Variants in GATAD2B observed in about 807,000 individuals in gnomAD.
The protein encoded by GATAD2B is GATA zinc finger domain containing 2B.
Under a neutral mutation model 64.3 loss-of-function variants are expected in GATAD2B, and 8 were observed. That is an observed-to-expected ratio of 0.12 (90% CI 0.07 to 0.22). GATAD2B has a LOEUF of 0.22. GATAD2B is among the 10% of genes least tolerant of loss of function. GATAD2B has a pLI of 1.00. For missense variants in GATAD2B, 453 were observed against 752.0 expected (o/e 0.60, Z 4.65); for synonymous variants, 281 against 271.3 (o/e 1.04, Z -0.35).
intron 2 of GATAD2B, among the ~76,000 whole-genome samples, chr1:153,821,401 T>C (rs1327756915): frequency 1.3e-5 from 2 of 152,100 alleles, no homozygotes; most frequent in Non-Finnish European, 2.9e-5. Flanking sequence ...AATAGGAGGA[T>C]AGAAAGGTAA....
chr1:153,847,888 A>G (rs944882258), intron 1 of GATAD2B, among the ~76,000 whole-genome samples: 1 of 152,166 alleles, frequency 6.6e-6, no homozygotes, highest in Non-Finnish European at 1.5e-5. Context: ...TTTAACTTAT[A>G]TAACGAGTTA....
chr1:153,908,788 A>G (rs1434173166), intron 1 of GATAD2B, among the ~76,000 whole-genome samples: 2 of 144,094 alleles, frequency 1.4e-5, no homozygotes, highest in African/African-American at 5.8e-5. Flanking sequence ...CTTGGAAAAA[A>G]AAAAAAAAAA....
intron 2 of GATAD2B, among the ~76,000 whole-genome samples, chr1:153,820,104 A>C (rs1391582129): frequency 5.1e-5 from 7 of 136,758 alleles, no homozygotes; most frequent in Non-Finnish European, 1.1e-4. Flanking sequence ...GTCTCAAAAA[A>C]AAAAAAAAAA....
rs1371877847 is a variant in GATAD2B at position 153,870,152 on chromosome 1, T to A, written c.-1-41804A>T. Among the ~76,000 whole-genome samples the A allele has an allele frequency of 2.0e-5, 3 of 152,156 alleles. No homozygotes were observed. The South Asian group carries it at 6.2e-4, about 31-fold the overall frequency. On this transcript the variant is annotated intron_variant, in intron 1 of 10. Transcript: ENST00000368655. ...TTTTAGTAGAGATAGGGTTTCATCA[T>A]GTTGGCCAGGCTGGTCTCGAACTCC...
chr1:153,903,217 C>CAAAA (rs1335057322), intron 1 of GATAD2B, among the ~76,000 whole-genome samples: 1 of 125,236 alleles, frequency 8.0e-6, no homozygotes, highest in Non-Finnish European at 1.7e-5. Context: ...GACTCCATCT[C>CAAAA]AAAAAAAAAA....
chr1:153,879,241 A>AT (rs200408109), intron 1 of GATAD2B, among the ~76,000 whole-genome samples: 2,356 of 149,534 alleles, frequency 0.016, 64 homozygotes, highest in African/African-American at 0.056. Context: ...CACCTGGCCA[A>AT]TTTTTTTATT....
chr1:153,884,256 C>T lies in GATAD2B; in HGVS notation c.-2+38477G>A, dbSNP rs140832836. Among the ~76,000 whole-genome samples, 49 of 152,206 alleles carry T rather than the reference C, an allele frequency of 3.2e-4. No homozygotes were observed. In the East Asian group the frequency reaches 8.1e-3, roughly 25 times the overall value. Reference sequence around the variant, plus strand: ...GAGATCAAGACCATTCTGGCTAACACGGTGAAACCCGTCTCTACTAAAAAT... The same window carrying T: ...GAGATCAAGACCATTCTGGCTAACATGGTGAAACCCGTCTCTACTAAAAAT... On this transcript the variant is annotated intron_variant, in intron 1 of 10. Coordinates refer to ENST00000368655, the MANE Select transcript of GATAD2B (RefSeq NM_020699.4).
At chr1:153,812,157 G>T in intron 8 of GATAD2B, 25 bp from the exon 9 acceptor site, 4 of 1,232,236 alleles carry the variant, frequency 3.2e-6, no homozygotes, top group Non-Finnish European at 4.8e-6. Context: ...CACATCAGGT[G>T]ATTGAGCAGG....
intron 1 of GATAD2B, among the ~76,000 whole-genome samples, chr1:153,841,844 G>T (rs1675508281): frequency 6.6e-6 from 1 of 152,048 alleles, no homozygotes; most frequent in Admixed American, 6.6e-5. Flanking sequence ...GTGAATGTTC[G>T]GTTTTATAAG....
intron 1 of GATAD2B, among the ~76,000 whole-genome samples, chr1:153,858,717 C>G (rs1303805064): frequency 6.6e-6 from 1 of 151,934 alleles, no homozygotes; most frequent in Non-Finnish European, 1.5e-5. Context: ...GGTGACAAGG[C>G]AAGACCCTAT....
intron 1 of GATAD2B, among the ~76,000 whole-genome samples, chr1:153,921,620 GC>G (rs1678433640): frequency 1.3e-5 from 2 of 150,524 alleles, no homozygotes; most frequent in African/African-American, 4.9e-5. Flanking sequence ...ACACACACAC[GC>G]CCCCCAAATA....
chr1:153,869,162 G>T (rs1676579035), intron 1 of GATAD2B, among the ~76,000 whole-genome samples: 1 of 151,754 alleles, frequency 6.6e-6, no homozygotes, highest in South Asian at 2.1e-4. Context: ...CATGATGGTG[G>T]GTGCCTGTAG....
chr1:153,865,498 C>A (rs1676446910), intron 1 of GATAD2B, among the ~76,000 whole-genome samples: 1 of 152,102 alleles, frequency 6.6e-6, no homozygotes, highest in Non-Finnish European at 1.5e-5. Flanking sequence ...ACATCTAATT[C>A]TAATGACCAG....
At chr1:153,913,271 T>C (rs1053219017) in intron 1 of GATAD2B, among the ~76,000 whole-genome samples, 1 of 152,080 alleles carries the variant, frequency 6.6e-6, no homozygotes, top group Non-Finnish European at 1.5e-5. Flanking sequence ...AAGACCTACA[T>C]ATAAACTTTT....
At chr1:153,870,080 T>A (rs1231727612) in intron 1 of GATAD2B, among the ~76,000 whole-genome samples, 1 of 152,110 alleles carries the variant, frequency 6.6e-6, no homozygotes, top group Non-Finnish European at 1.5e-5. Flanking sequence ...TCTGAGTAGC[T>A]GGGATTACAA....
chr1:153,829,369 G>A (rs1674997070), intron 1 of GATAD2B, among the ~76,000 whole-genome samples: 1 of 152,092 alleles, frequency 6.6e-6, no homozygotes, highest in East Asian at 1.9e-4. Flanking sequence ...ATGTTAACCA[G>A]GTCAAATATT....
chr1:153,914,511 A>C (rs1678207759), intron 1 of GATAD2B, among the ~76,000 whole-genome samples: 1 of 152,228 alleles, frequency 6.6e-6, no homozygotes, highest in African/African-American at 2.4e-5. Context: ...TTCCCAGAAC[A>C]TAACAGAAGG....
At chr1:153,905,678 T>TA (rs1677904459) in intron 1 of GATAD2B, among the ~76,000 whole-genome samples, 1 of 145,940 alleles carries the variant, frequency 6.9e-6, no homozygotes, top group Admixed American at 7.0e-5. Context: ...CTGCCTGTAA[T>TA]CCCAGCTACT....
chr1:153,890,160 G>A (rs1295767459), intron 1 of GATAD2B, among the ~76,000 whole-genome samples: 4 of 123,548 alleles, frequency 3.2e-5, no homozygotes, highest in South Asian at 5.2e-4. Flanking sequence ...CAACAAGAGC[G>A]AAACTCTGTT....
Sources: gnomAD v4.1 joint callset for allele counts (sites outside exome capture counted in the v4.1 genomes callset) on GRCh38, gnomAD v4.1.1 for gene constraint, MANE v1.5 for transcripts, NCBI Gene and HGNC (gene_info 2026-07-23, HGNC 2026-07-21) for gene names.